Variants in CWC22 observed in about 807,000 individuals in gnomAD.
The protein encoded by CWC22 is pre-mRNA-splicing factor CWC22 homolog.
A neutral mutation model predicts 117.2 loss-of-function variants in CWC22; 53 were observed. The observed-to-expected ratio is 0.45, with a 90% CI of 0.36 to 0.57. The LOEUF is 0.57. Among genes scored for constraint, CWC22 ranks in the 20% least tolerant of loss-of-function variants. The pLI is 0.00. For missense variants in CWC22, 980 were observed against 1,068.8 expected (o/e 0.92, Z 1.16); for synonymous variants, 360 against 355.6 (o/e 1.01, Z -0.14).
At chr2:179,957,805 C>T (rs1686635318) in intron 14 of CWC22, among the ~76,000 whole-genome samples, 1 of 149,948 alleles carries the variant, frequency 6.7e-6, no homozygotes. Flanking sequence ...GATGTAATAT[C>T]TAGATGGGAA....
In CWC22 at chr2:179,950,891, C is replaced by T. The variant is rs776561536; in HGVS notation, c.1853G>A (p.Arg618Gln). ...LQPFFEGLLP[R>Q]DNPRNTRFAI... ...AAACCGAGTGTTTCTTGGATTATCT[C>T]GGGGTAATAATCCTTCAAAGAATGG... is the stretch of plus-strand genomic sequence containing the variant. The change falls in exon 18 of 20, where the codon CGA becomes CAA. Residue 618 changes from arginine (R) to glutamine (Q), a missense_variant. By Grantham distance (43) the Arg-to-Gln change is conservative. This residue lies in a region of CWC22 where 115 missense variants were observed against 169.8 expected (regional missense o/e 0.68). Transcript: ENST00000410053. The T allele has an allele frequency of 5.7e-6, 9 of 1,582,154 alleles. No homozygotes were observed. The highest frequency in any genetic ancestry group is 2.3e-5 in the South Asian group (2 of 87,216).
At chr2:179,974,121 AT>A (rs919173272) in intron 6 of CWC22, among the ~76,000 whole-genome samples, 6 of 152,202 alleles carry the variant, frequency 3.9e-5, no homozygotes, top group African/African-American at 1.2e-4. Flanking sequence ...CATATAAATA[AT>A]TTCTTTAACA....
At chr2:179,983,488 G>A (rs1049541977) in intron 4 of CWC22, among the ~76,000 whole-genome samples, 1 of 151,992 alleles carries the variant, frequency 6.6e-6, no homozygotes, top group Admixed American at 6.6e-5. Context: ...GTATAAGTAC[G>A]ACATTTCCTT....
In CWC22 at chr2:179,979,436, G is replaced by A. The variant is rs150024366; in HGVS notation, c.453-1118C>T. On this transcript the variant is annotated intron_variant, in intron 5 of 19. Coordinates refer to ENST00000410053, the MANE Select transcript of CWC22 (RefSeq NM_020943.3). ...AACAAAAGCTAAACTTTAGAGATGAGTAAAAATAAAGATTCAATTTTTTCC... is the reference window on the plus strand; with the variant it reads ...AACAAAAGCTAAACTTTAGAGATGAATAAAAATAAAGATTCAATTTTTTCC... 2.8e-3 allele frequency among the ~76,000 whole-genome samples: 425 copies of A among 152,240 alleles called. 5 individuals carry two copies. Among genetic ancestry groups the A allele is most frequent in the African/African-American group, 9.3e-3 (388 of 41,556 alleles).
chr2:179,995,015 G>C (rs1245172512), intron 1 of CWC22, among the ~76,000 whole-genome samples: 2 of 152,184 alleles, frequency 1.3e-5, no homozygotes, highest in African/African-American at 4.8e-5. Flanking sequence ...CTACTCCGGA[G>C]GCTGAGGTGG....
At chr2:180,000,965 TAA>T (rs1487964342) in intron 1 of CWC22, among the ~76,000 whole-genome samples, 3 of 152,212 alleles carry the variant, frequency 2.0e-5, no homozygotes, top group African/African-American at 7.2e-5. Flanking sequence ...AGTAACCAAA[TAA>T]AGAGTTAAGT....
In CWC22 at chr2:179,978,213, A is replaced by G. The variant is rs1232348031; in HGVS notation, c.558T>C (p.Leu186=). Residue 186 remains leucine, a synonymous_variant, in exon 6 of 20, where the codon CTT becomes CTC. Coordinates refer to ENST00000410053, the MANE Select transcript of CWC22 (RefSeq NM_020943.3). ...ACCTTCCTCTAACTATATTTTCTTG[A>G]AGAAGCTCTTGAATAATAATACTTA... ...SNISIIIQEL[L]QENIVRGRGL... is the part of the protein sequence containing the mutation. 2 of 1,542,772 alleles carry G rather than the reference A, an allele frequency of 1.3e-6. No individual in the cohort carries two copies. Among genetic ancestry groups the G allele is most frequent in the African/African-American group, 1.4e-5 (1 of 71,468 alleles).
chr2:179,980,566 C>G (rs1429853153), intron 5 of CWC22, among the ~76,000 whole-genome samples: 1 of 151,908 alleles, frequency 6.6e-6, no homozygotes, highest in Non-Finnish European at 1.5e-5. Flanking sequence ...TACAGGCACC[C>G]ACCACCACGC....
intron 1 of CWC22, among the ~76,000 whole-genome samples, chr2:180,005,697 T>C (rs1559300774): frequency 6.6e-6 from 1 of 152,242 alleles, no homozygotes; most frequent in Non-Finnish European, 1.5e-5. Flanking sequence ...AACTGTATCA[T>C]AGTAGTAATT....
rs1286729725 is a variant in CWC22, at chr2:179,970,961, A to T, written c.920T>A (p.Val307Glu). Residue 307 changes from valine (V) to glutamate (E), a missense_variant, in exon 9 of 20, where the codon GTG (valine) becomes GAG (glutamate). This residue lies in a region of CWC22 where 559 missense variants were observed against 602.3 expected (regional missense o/e 0.93). Coordinates refer to ENST00000410053, the MANE Select transcript of CWC22 (RefSeq NM_020943.3). Reference sequence around the variant, plus strand: ...CTTACCATTGATTCCTCTTGGTGACACTTGTGTTAATTTGAGGCCACATTC... The same window carrying T: ...CTTACCATTGATTCCTCTTGGTGACTCTTGTGTTAATTTGAGGCCACATTC... ...LKECGLKLTQ[V>E]SPRGINAIFE... 6.2e-7 allele frequency: 1 copy of T among 1,612,670 alleles called. No individual in the cohort carries two copies. The highest frequency in any genetic ancestry group is 1.7e-5 in the Admixed American group (1 of 59,914).
intron 3 of CWC22, among the ~76,000 whole-genome samples, chr2:179,987,907 G>C (rs1299365760): frequency 6.6e-6 from 1 of 152,130 alleles, no homozygotes; most frequent in Non-Finnish European, 1.5e-5. Flanking sequence ...TGGCAACAGG[G>C]ACTGGTTTTG....
chr2:179,982,165 G>A (rs1054210161), intron 4 of CWC22, among the ~76,000 whole-genome samples, 168 bp from the exon 5 acceptor site: 1 of 152,150 alleles, frequency 6.6e-6, no homozygotes, highest in African/African-American at 2.4e-5. Context: ...AACAAATTAG[G>A]TCCTGAAGGC....
chr2:179,997,624 T>TG (rs1393662600), intron 1 of CWC22, among the ~76,000 whole-genome samples: 2 of 152,234 alleles, frequency 1.3e-5, no homozygotes, highest in African/African-American at 4.8e-5. Flanking sequence ...TCCCTACCTC[T>TG]ACTAGCACAA....
chr2:179,973,548 C>T, intron 7 of CWC22, 86 bp downstream of exon 7: 2 of 876,432 alleles, frequency 2.3e-6, no homozygotes, highest in South Asian at 3.7e-5. Flanking sequence ...GTAGCTGTGT[C>T]AAAATCAACC....
rs1414753575 is a variant in CWC22, at chr2:179,952,590, T to A, written c.1698A>T (p.Glu566Asp). ...TGGTTTCTTCACTCAGTTTTATACA[T>A]TCAAGAACCTGAAAATTAAAATAAA... ...YTDSLPWSVL[E>D]CIKLSEETTT... The change falls in exon 17 of 20, where the codon GAA becomes GAT. Residue 566 changes from glutamate (E) to aspartate (D), a missense_variant. By Grantham distance (45) the Glu-to-Asp change is conservative (BLOSUM62 2). Coordinates refer to ENST00000410053, the MANE Select transcript of CWC22 (RefSeq NM_020943.3). 7.0e-7 allele frequency: 1 copy of A among 1,433,648 alleles called. No homozygotes were observed. Among genetic ancestry groups the A allele is most frequent in the African/African-American group, 1.5e-5 (1 of 68,524 alleles). 88.8% of individuals were successfully genotyped at this position (1,433,648 alleles called of 1,614,324 possible). A position where few individuals can be genotyped will look rare whatever the true frequency, so the allele number is the denominator to read the frequency against.
chr2:179,970,863 G>A lies in CWC22; in HGVS notation c.941-7C>T, dbSNP rs1291081227. On this transcript the variant is annotated splice_region_variant and splice_polypyrimidine_tract_variant and intron_variant, in intron 9 of 19. Coordinates refer to ENST00000410053, the MANE Select transcript of CWC22 (RefSeq NM_020943.3). ...CGAAGGCGTTCAAATATAGCTAAAAGTTAACAGAAAGAAAAGACAATAAAA... is the reference window on the plus strand; with the variant it reads ...CGAAGGCGTTCAAATATAGCTAAAAATTAACAGAAAGAAAAGACAATAAAA... 1 of 1,611,026 alleles carries A rather than the reference G, an allele frequency of 6.2e-7. No homozygotes were observed. The highest frequency in any genetic ancestry group is 2.2e-5 in the East Asian group (1 of 44,822).
At chr2:179,964,451 A>G in intron 13 of CWC22, 96 bp downstream of exon 13, 1 of 613,260 alleles carries the variant, frequency 1.6e-6, no homozygotes, top group Non-Finnish European at 2.8e-6. Flanking sequence ...AATGGTGTCC[A>G]GTTTTCTGTT....
intron 4 of CWC22, among the ~76,000 whole-genome samples, chr2:179,983,221 C>CATTAGCTG (rs1325520905): frequency 2.0e-5 from 3 of 152,002 alleles, no homozygotes; most frequent in Non-Finnish European, 4.4e-5. Flanking sequence ...ACCTAGTATT[C>CATTAGCTG]ATTAGCTGTT....
At chr2:179,969,919 T>C (rs17835444) in intron 11 of CWC22, among the ~76,000 whole-genome samples, 22,171 of 152,072 alleles carry the variant, frequency 0.15, 1,993 homozygotes, top group Admixed American at 0.29. Context: ...AAGGTAACAT[T>C]TAGTCTTCCA....
Sources: gnomAD v4.1 joint callset for allele counts (sites outside exome capture counted in the v4.1 genomes callset) on GRCh38, gnomAD v4.1.1 for gene constraint, gnomAD v4.1.1 regional missense constraint, MANE v1.5 for transcripts, NCBI Gene and HGNC (gene_info 2026-07-23, HGNC 2026-07-21) for gene names.